The following KCNK1 variants were observed in gnomAD, a reference collection of about 807,000 sequenced individuals.
KCNK1 encodes the protein potassium channel subfamily K member 1.
Under a neutral mutation model 22.2 loss-of-function variants are expected in KCNK1, and 10 were observed. The observed-to-expected ratio is 0.45, with a 90% confidence interval of 0.28 to 0.76. KCNK1 has a LOEUF of 0.76. Ranked by LOEUF, KCNK1 falls within the 30% of genes least tolerant of loss-of-function variation. The probability of loss-of-function intolerance (pLI) is 0.14; values close to 1 mark genes in which losing one functional copy is unlikely to be tolerated. For synonymous variants in KCNK1, 200 were observed against 186.4 expected (o/e 1.07, Z -0.60); for missense variants, 378 against 421.0 (o/e 0.90, Z 0.89).
chr1:233,665,035 T>G (rs1382804736), intron 1 of KCNK1, among the ~76,000 whole-genome samples: 2 of 152,244 alleles, frequency 1.3e-5, no homozygotes, highest in African/African-American at 4.8e-5. Context: ...TTGGCGTTGG[T>G]TGGATGAAGA....
At chr1:233,631,928 C>A (rs1310337838) in intron 1 of KCNK1, among the ~76,000 whole-genome samples, 2 of 152,166 alleles carry the variant, frequency 1.3e-5, no homozygotes, top group African/African-American at 4.8e-5. Flanking sequence ...TTGGCTCGAA[C>A]AGAGGGAACC....
At chr1:233,636,301 G>T (rs1382955528) in intron 1 of KCNK1, among the ~76,000 whole-genome samples, 1 of 152,168 alleles carries the variant, frequency 6.6e-6, no homozygotes. Context: ...GGGAGGCTGG[G>T]GCCGATCAGG....
rs536787370 is a variant in KCNK1 at position 233,656,618 on chromosome 1, A to ATTAT, written c.356-9965_356-9962dup. 2.6e-3 allele frequency among the ~76,000 whole-genome samples: 392 copies of ATTAT among 152,088 alleles called. 1 individual carries two copies. Among genetic ancestry groups the ATTAT allele is most frequent in the Middle Eastern group, 6.8e-3 (2 of 294 alleles). ...CAAAGCTTCAATTATTTATTTCTTT[A>ATTAT]TTATTTATTTATTTAATTTGGGACA... On this transcript the variant is annotated intron_variant, in intron 1 of 2. Coordinates refer to ENST00000366621, the MANE Select transcript of KCNK1 (RefSeq NM_002245.4).
In KCNK1 at chr1:233,639,098, A is replaced by G. The variant is rs781063910; in HGVS notation, c.355+24572A>G. Among the ~76,000 whole-genome samples, 8 of 152,232 alleles carry G rather than the reference A, an allele frequency of 5.3e-5. No individual in the cohort carries two copies. The East Asian group carries it at 1.2e-3, about 22-fold the overall frequency. ...TCCAGTCCTAACACACCCAAAAAAC[A>G]GATGAATATATAGGGCTTGAGTTTT... On this transcript the variant is annotated intron_variant, in intron 1 of 2. Coordinates refer to ENST00000366621, the MANE Select transcript of KCNK1 (RefSeq NM_002245.4).
At chr1:233,659,462 C>T in intron 1 of KCNK1, among the ~76,000 whole-genome samples, 1 of 149,540 alleles carries the variant, frequency 6.7e-6, no homozygotes, top group Non-Finnish European at 1.5e-5. Context: ...TGTAAACCAG[C>T]TTCAGGCAAG....
At chr1:233,644,944 T>C (rs979138070) in intron 1 of KCNK1, among the ~76,000 whole-genome samples, 2 of 152,136 alleles carry the variant, frequency 1.3e-5, no homozygotes, top group Admixed American at 6.5e-5. Context: ...TCTGTAATCC[T>C]AGCACTTTGG....
At chr1:233,632,486 C>G (rs1270958052) in intron 1 of KCNK1, among the ~76,000 whole-genome samples, 1 of 152,034 alleles carries the variant, frequency 6.6e-6, no homozygotes, top group Non-Finnish European at 1.5e-5. Flanking sequence ...TTCTTTCTTT[C>G]TTTTTTTCTT....
chr1:233,656,067 C>G (rs978264523), intron 1 of KCNK1, among the ~76,000 whole-genome samples: 2 of 152,160 alleles, frequency 1.3e-5, no homozygotes, highest in East Asian at 1.9e-4. Flanking sequence ...TTTTGTGAGA[C>G]CATCAGTAAT....
chr1:233,666,323 T>A (rs1014376971), intron 1 of KCNK1, among the ~76,000 whole-genome samples: 4 of 152,142 alleles, frequency 2.6e-5, no homozygotes, highest in African/African-American at 9.7e-5. Flanking sequence ...TGTTTGAGCC[T>A]GATAGTGAAT....
intron 1 of KCNK1, among the ~76,000 whole-genome samples, chr1:233,636,882 G>T (rs1462380549): frequency 6.6e-6 from 1 of 152,086 alleles, no homozygotes; most frequent in African/African-American, 2.4e-5. Context: ...GGAAGTGGAG[G>T]ATCAAGAGAT....
At chr1:233,667,472 T>C (rs2102911904) in intron 2 of KCNK1, among the ~76,000 whole-genome samples, 1 of 152,264 alleles carries the variant, frequency 6.6e-6, no homozygotes, top group South Asian at 2.1e-4. Flanking sequence ...GGCTCACGCC[T>C]GTAATCCCAG....
intron 2 of KCNK1, among the ~76,000 whole-genome samples, chr1:233,670,016 C>T (rs7544073): frequency 0.23 from 34,997 of 152,168 alleles, 4,494 homozygotes; most frequent in Non-Finnish European, 0.28. Flanking sequence ...CTACTTCATA[C>T]ATTTTCGAAA....
rs191253683 is a variant in KCNK1, at chr1:233,627,679, G to A, written c.355+13153G>A. On this transcript the variant is annotated intron_variant, in intron 1 of 2. Coordinates refer to ENST00000366621, the MANE Select transcript of KCNK1 (RefSeq NM_002245.4). The stretch of plus-strand genomic sequence containing the variant: ...CCCCCAGACAGCAGGGAAGAGCACT[G>A]TTGTGTGGATCCACAATCTGTCATC... Among the ~76,000 whole-genome samples the A allele has an allele frequency of 6.1e-3, 932 of 152,310 alleles. 9 individuals carry two copies. Among genetic ancestry groups the A allele is most frequent in the Non-Finnish European group, 9.1e-3 (618 of 68,034 alleles).
At chr1:233,620,627 C>T (rs1657568270) in intron 1 of KCNK1, among the ~76,000 whole-genome samples, 2 of 152,152 alleles carry the variant, frequency 1.3e-5, no homozygotes, top group South Asian at 2.1e-4. Context: ...AACAAGCAAA[C>T]TCTGTATTAG....
chr1:233,617,894 T>TG (rs1214718281), intron 1 of KCNK1, among the ~76,000 whole-genome samples: 1 of 152,128 alleles, frequency 6.6e-6, no homozygotes, highest in Admixed American at 6.5e-5. Context: ...TGAGCCACTG[T>TG]GTTCCAGCCT....
At chr1:233,627,525 C>T (rs1657711504) in intron 1 of KCNK1, among the ~76,000 whole-genome samples, 1 of 151,992 alleles carries the variant, frequency 6.6e-6, no homozygotes, top group South Asian at 2.1e-4. Flanking sequence ...CACATCGCTA[C>T]CTACCTGCCA....
At chr1:233,665,146 G>A (rs1277177575) in intron 1 of KCNK1, among the ~76,000 whole-genome samples, 2 of 152,184 alleles carry the variant, frequency 1.3e-5, no homozygotes, top group East Asian at 3.8e-4. Flanking sequence ...TTCAATGTTT[G>A]TGGAATTTAT....
intron 1 of KCNK1, among the ~76,000 whole-genome samples, chr1:233,666,324 G>A (rs1024377712): frequency 6.6e-6 from 1 of 152,158 alleles, no homozygotes; most frequent in South Asian, 2.1e-4. Context: ...GTTTGAGCCT[G>A]ATAGTGAATT....
intron 1 of KCNK1, among the ~76,000 whole-genome samples, chr1:233,638,933 G>T (rs1657958590): frequency 6.6e-6 from 1 of 152,120 alleles, no homozygotes; most frequent in Non-Finnish European, 1.5e-5. Flanking sequence ...CGGGGTAAAT[G>T]TCCACAAAAA....
Sources: gnomAD v4.1 joint callset for allele counts (sites outside exome capture counted in the v4.1 genomes callset) on GRCh38, gnomAD v4.1.1 for gene constraint, MANE v1.5 for transcripts, NCBI Gene and HGNC (gene_info 2026-07-23, HGNC 2026-07-21) for gene names.